The following HROB variants were observed in gnomAD, a reference collection of about 807,000 sequenced individuals.
HROB encodes the protein homologous recombination OB-fold protein.
A neutral mutation model predicts 61.0 loss-of-function variants in HROB; 44 were observed. The ratio of observed to expected loss-of-function variants is 0.72; its 90% confidence interval spans 0.57 to 0.93. The LOEUF is 0.93. Ranked by LOEUF, HROB falls within the 40% of genes least tolerant of loss-of-function variation. The pLI, the probability that HROB is intolerant of heterozygous loss-of-function variation, is 0.00. For missense variants in HROB, 716 were observed against 796.2 expected (o/e 0.90, Z 1.21); for synonymous variants, 301 against 310.4 (o/e 0.97, Z 0.32).
rs2053923944 is a variant in HROB, at chr17:44,154,842, G to A, written c.1559-11G>A. On this transcript the variant is annotated splice_polypyrimidine_tract_variant and intron_variant, in intron 6 of 9. Transcript: ENST00000585683. Reference sequence around the variant, plus strand: ...TGACCCCGAGACTGATGGGCCATGTGGTATTTGCAGGAGAGATGCAGGGGA... The same window carrying A: ...TGACCCCGAGACTGATGGGCCATGTAGTATTTGCAGGAGAGATGCAGGGGA... 1 of 1,613,800 alleles carries A rather than the reference G, an allele frequency of 6.2e-7. No individual in the cohort carries two copies. The highest frequency in any genetic ancestry group is 1.3e-5 in the African/African-American group (1 of 74,908).
At position 44,151,018 on chromosome 17, in the gene HROB, G is replaced by A. The variant is rs767849222; in HGVS notation, c.1282G>A (p.Gly428Ser). ...MVSAPQTPTH[G>S]ALAKFQTEIV... Reference sequence around the variant, plus strand: ...TTCCGCGCCCCAAACTCCAACCCATGGTGCTCTGGCTAAATTCCAGACAGA... The same window carrying A: ...TTCCGCGCCCCAAACTCCAACCCATAGTGCTCTGGCTAAATTCCAGACAGA... Residue 428 changes from glycine to serine, a missense_variant, in exon 4 of 10, where the codon GGT becomes AGT. Physicochemically the swap from Gly to Ser is moderately conservative, Grantham distance 56. Transcript: ENST00000585683. 1.2e-6 allele frequency: 2 copies of A among 1,613,320 alleles called. No homozygotes were observed. Among genetic ancestry groups the A allele is most frequent in the Non-Finnish European group, 1.7e-6 (2 of 1,179,786 alleles).
intron 1 of HROB, among the ~76,000 whole-genome samples, chr17:44,142,903 G>A (rs2053497060): frequency 6.6e-6 from 1 of 152,016 alleles, no homozygotes. Context: ...AAAATCCTTA[G>A]GCCCAAGCCA....
At chr17:44,157,284 C>T (rs2053996961) in intron 8 of HROB, among the ~76,000 whole-genome samples, 1 of 152,106 alleles carries the variant, frequency 6.6e-6, no homozygotes, top group South Asian at 2.1e-4. Context: ...GCAAATCAGC[C>T]AAAAGAGGTT....
At chr17:44,157,800 A>G (rs753438169) in intron 8 of HROB, 33 bp from the exon 9 acceptor site, 7 of 1,555,556 alleles carry the variant, frequency 4.5e-6, no homozygotes, top group South Asian at 2.3e-5. Flanking sequence ...TTTCAGGGAC[A>G]CAGGCATTGG....
intron 9 of HROB, among the ~76,000 whole-genome samples, chr17:44,158,476 C>T (rs1275399008): frequency 1.3e-5 from 2 of 152,084 alleles, no homozygotes; most frequent in Admixed American, 6.6e-5. Context: ...CTAGTTTTAG[C>T]TTTTTTTACT....
intron 2 of HROB, among the ~76,000 whole-genome samples, chr17:44,147,048 T>TGTGTGTGTGTGTGTGA (rs141060194): frequency 2.7e-5 from 4 of 149,208 alleles, no homozygotes; most frequent in African/African-American, 9.9e-5. Flanking sequence ...TGTGTGTGTG[T>TGTGTGTGTGTGTGTGA]GAGAGAGAGA....
intron 5 of HROB, 112 bp from the exon 6 acceptor site, chr17:44,154,444 C>A: frequency 1.1e-6 from 1 of 939,326 alleles, no homozygotes; most frequent in Non-Finnish European, 1.7e-6. Flanking sequence ...AAGATCATCA[C>A]TATAACTATA....
At chr17:44,152,599 C>T in intron 4 of HROB, 38 bp from the exon 5 acceptor site, 3 of 1,606,276 alleles carry the variant, frequency 1.9e-6, no homozygotes, top group Non-Finnish European at 1.7e-6. Context: ...CAAGGTAGAC[C>T]TATTCATACA....
In HROB at chr17:44,148,955, G is replaced by A. The variant is rs1446245197; in HGVS notation, c.1152G>A (p.Gln384=). The change falls in exon 3 of 10, where the codon CAG becomes CAA. Residue 384 remains glutamine, a synonymous_variant. Transcript: ENST00000585683. ...TCACTGCTGCCAGCCGGACACCCCA[G>A]CAGCCCACCCATCCCTCCACCCGAG... The part of the protein sequence containing the change: ...QLVTAASRTP[Q]QPTHPSTRAK... 3 of 1,614,084 alleles carry A rather than the reference G, an allele frequency of 1.9e-6. No individual in the cohort carries two copies. The highest frequency in any genetic ancestry group is 2.5e-6 in the Non-Finnish European group (3 of 1,179,976).
At chr17:44,154,375 G>A (rs2053907744) in intron 5 of HROB, 181 bp from the exon 6 acceptor site, 1 of 580,000 alleles carries the variant, frequency 1.7e-6, no homozygotes, top group South Asian at 2.2e-5. Flanking sequence ...AGAAATGAAG[G>A]ACCTCCCAGC....
chr17:44,147,731 C>T (rs2143891663), intron 2 of HROB, 127 bp from the exon 3 acceptor site: 7 of 962,196 alleles, frequency 7.3e-6, no homozygotes, highest in Middle Eastern at 3.2e-4. Context: ...CCACCATGCC[C>T]GACCCTCATG....
At chr17:44,161,075 G>A (rs537675552) in intron 9 of HROB, among the ~76,000 whole-genome samples, 4 of 152,136 alleles carry the variant, frequency 2.6e-5, no homozygotes, top group African/African-American at 7.2e-5. Flanking sequence ...GGTGGTGGGC[G>A]CCTGTAAGTC....
chr17:44,147,979 G>A lies in HROB; in HGVS notation c.176G>A (p.Arg59Lys). The stretch of plus-strand genomic sequence containing the variant: ...GAGACTGTGCAGGCACAGTCCTCCA[G>A]GCTGCTGCTGTTACACCCCACTGCT... ...PQETVQAQSSRLLLLHPTAPS... is the reference protein window; with the variant it reads ...PQETVQAQSSKLLLLHPTAPS... Residue 59 changes from arginine (R) to lysine (K), a missense_variant, in exon 3 of 10, where the codon AGG becomes AAG. Arg to Lys is a conservative substitution (Grantham distance 26). Coordinates refer to ENST00000585683, the MANE Select transcript of HROB (RefSeq NM_001171251.3). 6.2e-7 allele frequency: 1 copy of A among 1,614,050 alleles called. No individual in the cohort carries two copies. Among genetic ancestry groups the A allele is most frequent in the Non-Finnish European group, 8.5e-7 (1 of 1,180,038 alleles).
At chr17:44,145,104 T>C in intron 1 of HROB, 99 bp from the exon 2 acceptor site, 4 of 1,306,456 alleles carry the variant, frequency 3.1e-6, no homozygotes, top group Admixed American at 1.8e-5. Flanking sequence ...AAAAACAATA[T>C]ACCTGATGGT....
intron 5 of HROB, chr17:44,154,341 TAAA>T: frequency 1.9e-6 from 1 of 517,582 alleles, no homozygotes; most frequent in South Asian, 2.5e-5. Flanking sequence ...TCTCAAAAAA[TAAA>T]AAAGAACGGA....
rs560901266 is a variant in HROB at position 44,157,913 on chromosome 17, G to T, written c.1851G>T (p.Ala617=). 3.1e-6 allele frequency: 5 copies of T among 1,613,206 alleles called. No individual in the cohort carries two copies. The African/African-American group carries it at 6.7e-5, about 22-fold the overall frequency. ...FRTAQNLEAE[A]SPEEELPEAD... ...CAGCACAGAACCTAGAGGCAGAGGC[G>T]TCCCCTGAGGAAGAACTCCCAGAAG... Residue 617 remains alanine (A), a synonymous_variant, in exon 9 of 10, where the codon GCG becomes GCT. Transcript: ENST00000585683.
At chr17:44,154,377 C>T (rs1200418041) in intron 5 of HROB, 179 bp from the exon 6 acceptor site, 2 of 583,256 alleles carry the variant, frequency 3.4e-6, no homozygotes, top group African/African-American at 3.7e-5. Context: ...AAATGAAGGA[C>T]CTCCCAGCTC....
At chr17:44,151,157 T>A in intron 4 of HROB, 113 bp downstream of exon 4, 2 of 1,148,626 alleles carry the variant, frequency 1.7e-6, no homozygotes, top group Non-Finnish European at 2.5e-6. Context: ...TTTGCTGGTG[T>A]CACACACTAA....
At chr17:44,142,186 C>G in intron 1 of HROB, 41 bp downstream of exon 1, 2 of 1,489,318 alleles carry the variant, frequency 1.3e-6, no homozygotes, top group Non-Finnish European at 1.8e-6. Flanking sequence ...GGCCGCAGGG[C>G]CCCCTGGCCT....
Sources: allele counts gnomAD v4.1 joint callset (sites outside exome capture counted in the v4.1 genomes callset), GRCh38; gene constraint gnomAD v4.1.1; transcripts MANE v1.5; gene names NCBI Gene and HGNC (gene_info 2026-07-23, HGNC 2026-07-21).